GABRA3: variants seen among roughly 807,000 people sequenced by gnomAD.
The protein encoded by GABRA3 is gamma-aminobutyric acid receptor subunit alpha-3.
GABRA3 carries 10 observed loss-of-function variants against 30.1 expected under a neutral mutation model. The ratio of observed to expected loss-of-function variants is 0.33; its 90% CI spans 0.20 to 0.56. The LOEUF (loss-of-function observed/expected upper bound fraction) is 0.56. Among genes scored for constraint, GABRA3 ranks in the 20% least tolerant of loss-of-function variants. GABRA3 has a pLI of 0.89. For synonymous variants in GABRA3, 151 were observed against 146.8 expected (o/e 1.03, Z -0.21); for missense variants, 233 against 392.0 (o/e 0.59, Z 3.42).
rs1386422709 is a variant in GABRA3, at chrX:152,212,327, AAAAAT to A, written c.635-4188_635-4184del. 4.6e-3 allele frequency among the ~76,000 whole-genome samples: 157 copies of A among 34,079 alleles called. 54 individuals are homozygous for A. The highest frequency in any genetic ancestry group is 5.3e-3 in the Non-Finnish European group (84 of 15,887). 29.6% of individuals were successfully genotyped at this position (34,079 alleles called of 115,157 possible). ...AAAAAAAAAAAAAAAAAAAAAAAAA[AAAAAT>A]TCCAAATTGCCTACCCTAAGAACTA... On this transcript the variant is annotated intron_variant, in intron 6 of 9. Coordinates refer to ENST00000370314, the MANE Select transcript of GABRA3 (RefSeq NM_000808.4).
At chrX:152,194,034 T>A (rs1057388777) in intron 8 of GABRA3, among the ~76,000 whole-genome samples, 3 of 112,314 alleles carry the variant, frequency 2.7e-5, no homozygotes, top group Middle Eastern at 4.6e-3. Flanking sequence ...ATTGATACTT[T>A]AACACTTTTC....
intron 9 of GABRA3, among the ~76,000 whole-genome samples, chrX:152,176,154 T>C (rs1382821181): frequency 9.1e-6 from 1 of 110,289 alleles, no homozygotes; most frequent in Non-Finnish European, 1.9e-5. Flanking sequence ...GTGGAGTGAA[T>C]GAAAATTCAA....
intron 1 of GABRA3, among the ~76,000 whole-genome samples, chrX:152,433,337 A>T (rs59285590): frequency 0.073 from 8,017 of 109,609 alleles, 550 homozygotes; most frequent in African/African-American, 0.22. Flanking sequence ...TCTTAAAAGG[A>T]GGGCAAAATC....
chrX:152,234,268 T>C (rs1938152063), intron 5 of GABRA3, among the ~76,000 whole-genome samples: 1 of 110,848 alleles, frequency 9.0e-6, no homozygotes, highest in Admixed American at 9.6e-5. Flanking sequence ...AATAAGTACA[T>C]GAAAAACAAA....
intron 3 of GABRA3, among the ~76,000 whole-genome samples, chrX:152,292,183 T>A (rs904900473): frequency 3.6e-5 from 4 of 111,784 alleles, no homozygotes; most frequent in Non-Finnish European, 7.5e-5. Context: ...AATTATTGTC[T>A]CAATTTCAGA....
chrX:152,187,426 CA>C (rs1937269862), intron 9 of GABRA3: 1 of 111,685 alleles, frequency 9.0e-6, no homozygotes, highest in African/African-American at 3.3e-5. Context: ...AATCAGTTTT[CA>C]AACTGGTAAT....
At chrX:152,176,069 T>C (rs1473056345) in intron 9 of GABRA3, among the ~76,000 whole-genome samples, 1 of 30,690 alleles carries the variant, frequency 3.3e-5, no homozygotes, top group East Asian at 8.2e-4. Flanking sequence ...ATCTCAAAAA[T>C]AAATAAATAA....
chrX:152,365,890 A>C (rs1373787748), intron 1 of GABRA3, among the ~76,000 whole-genome samples: 1 of 111,891 alleles, frequency 8.9e-6, no homozygotes, highest in Non-Finnish European at 1.9e-5. Flanking sequence ...AAGTGTCAAC[A>C]TTAGAGACAG....
chrX:152,444,754 TTTTGTTTGTTTGTTTG>T (rs140282808), intron 1 of GABRA3, among the ~76,000 whole-genome samples: 1 of 90,062 alleles, frequency 1.1e-5, no homozygotes, highest in Non-Finnish European at 2.3e-5. Flanking sequence ...TTTTGTTTTT[TTTTGTTTGTTTGTTTG>T]TTTTTTTTTG....
intron 1 of GABRA3, among the ~76,000 whole-genome samples, chrX:152,406,215 A>G (rs967395674): frequency 9.0e-6 from 1 of 110,915 alleles, no homozygotes; most frequent in African/African-American, 3.3e-5. Flanking sequence ...AATGGCAGTA[A>G]GAAGTTTGTA....
intron 4 of GABRA3, among the ~76,000 whole-genome samples, chrX:152,275,407 ATATT>A (rs1227237841): frequency 9.7e-6 from 1 of 102,821 alleles, no homozygotes; most frequent in Admixed American, 1.2e-4. Flanking sequence ...TGTAAAATAT[ATATT>A]TACATATTTA....
intron 3 of GABRA3, among the ~76,000 whole-genome samples, chrX:152,293,802 C>T (rs1306692325): frequency 9.0e-6 from 1 of 111,177 alleles, no homozygotes; most frequent in Non-Finnish European, 1.9e-5. Context: ...CCTTCAGGAG[C>T]TCTTGTAAGG....
chrX:152,223,976 A>G (rs989599217), intron 6 of GABRA3, among the ~76,000 whole-genome samples: 2 of 111,648 alleles, frequency 1.8e-5, no homozygotes, highest in African/African-American at 6.5e-5. Flanking sequence ...CTAGAATAGA[A>G]CCTGGCACAC....
In GABRA3 at chrX:152,273,413, A is replaced by G. The variant is rs1417630738; in HGVS notation, c.330+11255T>C. On this transcript the variant is annotated intron_variant, in intron 4 of 9. Coordinates refer to ENST00000370314, the MANE Select transcript of GABRA3 (RefSeq NM_000808.4). ...AAAATATTAAAGATAGAACTACCAT[A>G]TGATCCTGCAAATCCACTACTGGGT... Among the ~76,000 whole-genome samples, 3 of 112,260 alleles carry G rather than the reference A, an allele frequency of 2.7e-5. No homozygotes were observed. In the South Asian group the frequency reaches 1.1e-3, roughly 42 times the overall value.
chrX:152,321,562 G>A (rs1227359173), intron 3 of GABRA3, among the ~76,000 whole-genome samples: 2 of 110,997 alleles, frequency 1.8e-5, no homozygotes, highest in African/African-American at 3.3e-5. Context: ...GCATCCCTTC[G>A]GTCTAATTCC....
At chrX:152,427,303 A>G (rs1175502787) in intron 1 of GABRA3, among the ~76,000 whole-genome samples, 1 of 111,231 alleles carries the variant, frequency 9.0e-6, no homozygotes, top group Admixed American at 9.6e-5. Context: ...TGTACTCTGT[A>G]TCTCTATTTT....
intron 1 of GABRA3, among the ~76,000 whole-genome samples, chrX:152,370,209 A>G (rs1228936837): frequency 8.9e-6 from 1 of 112,287 alleles, no homozygotes; most frequent in African/African-American, 3.2e-5. Context: ...CAATACGACC[A>G]ATTATTCTAT....
At chrX:152,346,808 T>G (rs1045286696) in intron 2 of GABRA3, among the ~76,000 whole-genome samples, 6 of 111,653 alleles carry the variant, frequency 5.4e-5, no homozygotes, top group Non-Finnish European at 3.8e-5. Context: ...TCACCCCAGA[T>G]GAAATGGCTT....
chrX:152,321,640 T>C (rs1939965323), intron 3 of GABRA3, among the ~76,000 whole-genome samples: 1 of 111,501 alleles, frequency 9.0e-6, no homozygotes, highest in African/African-American at 3.3e-5. Flanking sequence ...GGGCAGAAAG[T>C]GAAACAAAGT....
Sources: gnomAD v4.1 joint callset for allele counts (sites outside exome capture counted in the v4.1 genomes callset) on GRCh38, gnomAD v4.1.1 for gene constraint, MANE v1.5 for transcripts, NCBI Gene and HGNC (gene_info 2026-07-23, HGNC 2026-07-21) for gene names.